The following TTI1 variants were observed in gnomAD, a reference collection of about 807,000 sequenced individuals.
TTI1 encodes TELO2-interacting protein 1 homolog.
A neutral mutation model predicts 85.4 loss-of-function variants in TTI1; 52 were observed. The ratio of observed to expected loss-of-function variants is 0.61; its 90% CI spans 0.49 to 0.77. The LOEUF is 0.77. Ranked by LOEUF, TTI1 falls within the 30% of genes least tolerant of loss-of-function variation. The pLI is 0.00. For synonymous variants in TTI1, 512 were observed against 503.9 expected, an observed-to-expected ratio of 1.02 and a Z score of -0.22; for missense variants, 1,173 against 1,296.0, an observed-to-expected ratio of 0.91 and a Z score of 1.46.
intron 1 of TTI1, among the ~76,000 whole-genome samples, chr20:38,018,039 C>A (rs1403066022): frequency 6.6e-6 from 1 of 152,142 alleles, no homozygotes. Flanking sequence ...ATATATGCAT[C>A]CACTATGATT....
chr20:38,032,543 A>T (rs1051939363), intron 1 of TTI1, among the ~76,000 whole-genome samples: 4 of 152,212 alleles, frequency 2.6e-5, no homozygotes, highest in Non-Finnish European at 5.9e-5. Context: ...CTGGGATTTA[A>T]AACTTAAAAA....
At chr20:38,020,335 T>TAA (rs2073752220) in intron 1 of TTI1, among the ~76,000 whole-genome samples, 1 of 110,700 alleles carries the variant, frequency 9.0e-6, no homozygotes, top group Non-Finnish European at 1.9e-5. Flanking sequence ...TATATATATA[T>TAA]ATATATATAT....
At chr20:38,022,654 G>A (rs1213830095) in intron 1 of TTI1, among the ~76,000 whole-genome samples, 1 of 152,060 alleles carries the variant, frequency 6.6e-6, no homozygotes, top group African/African-American at 2.4e-5. Context: ...TACACTGGGA[G>A]GGTCCTGCTA....
chr20:38,014,271 A>C (rs751538416), intron 1 of TTI1, among the ~76,000 whole-genome samples: 26 of 152,338 alleles, frequency 1.7e-4, no homozygotes, highest in Non-Finnish European at 2.4e-4. Flanking sequence ...ATATAGTAAA[A>C]TGCACTATCT....
rs2122592535 is a variant in TTI1, at chr20:38,013,233, T to C, written c.584A>G (p.Asp195Gly). Reference sequence around the variant, plus strand: ...CCCCAGCTGCTTTTGTTCAAGTTCATCCAATGACCTTGGATGGTCCTGACA... The same window carrying C: ...CCCCAGCTGCTTTTGTTCAAGTTCACCCAATGACCTTGGATGGTCCTGACA... The part of the protein sequence containing the change: ...CDCQDHPRSL[D>G]ELEQKQLGDL... Residue 195 changes from aspartate to glycine, a missense_variant, in exon 2 of 8, where the codon GAT (aspartate) becomes GGT (glycine). Coordinates refer to ENST00000373447, the MANE Select transcript of TTI1 (RefSeq NM_001303457.2). 4 of 1,614,032 alleles carry C rather than the reference T, an allele frequency of 2.5e-6. No individual in the cohort carries two copies. The highest frequency in any genetic ancestry group is 3.4e-6 in the Non-Finnish European group (4 of 1,180,014).
intron 1 of TTI1, among the ~76,000 whole-genome samples, chr20:38,017,404 TTG>T (rs66542554): frequency 0.047 from 6,892 of 145,948 alleles, 177 homozygotes; most frequent in Middle Eastern, 0.094. Context: ...AATCAATAGC[TTG>T]TGTGTGTGTG....
chr20:38,020,412 T>TTCCA (rs1320088058), intron 1 of TTI1, among the ~76,000 whole-genome samples: 3 of 145,028 alleles, frequency 2.1e-5, no homozygotes, highest in South Asian at 4.4e-4. Flanking sequence ...CAATAAAGCT[T>TTCCA]TCCAAAGGAA....
chr20:37,996,580 C>G, intron 6 of TTI1, 118 bp from the exon 7 acceptor site: 1 of 1,408,304 alleles, frequency 7.1e-7, no homozygotes, highest in Non-Finnish European at 9.9e-7. Context: ...GCTCTCTACT[C>G]CATCCCGCCA....
At chr20:38,031,587 C>T (rs2073906858) in intron 1 of TTI1, among the ~76,000 whole-genome samples, 1 of 152,202 alleles carries the variant, frequency 6.6e-6, no homozygotes, top group Non-Finnish European at 1.5e-5. Context: ...TTATTCTAAA[C>T]TTGCATGTTT....
intron 2 of TTI1, 148 bp downstream of exon 2, chr20:38,011,367 C>G: frequency 1.2e-6 from 1 of 846,916 alleles, no homozygotes; most frequent in Non-Finnish European, 1.8e-6. Flanking sequence ...AACAGTGAAA[C>G]CCCCCCATAA....
intron 1 of TTI1, among the ~76,000 whole-genome samples, chr20:38,023,804 C>T (rs530478948): frequency 6.6e-6 from 1 of 152,242 alleles, no homozygotes; most frequent in East Asian, 1.9e-4. Flanking sequence ...GAAATGTTTC[C>T]TTAGCATATA....
At chr20:37,984,687 AG>A (rs2073167643) in intron 7 of TTI1, among the ~76,000 whole-genome samples, 1 of 152,194 alleles carries the variant, frequency 6.6e-6, no homozygotes, top group African/African-American at 2.4e-5. Context: ...ACTGTGCCCA[AG>A]TAAGGCTGCC....
At chr20:38,020,323 A>AATATATATATATATATATATATATATAT (rs1159604655) in intron 1 of TTI1, among the ~76,000 whole-genome samples, 3 of 50,380 alleles carry the variant, frequency 6.0e-5, no homozygotes, top group African/African-American at 8.9e-5. Context: ...AAAAAAAAAA[A>AATATATATATATATATATATATATATAT]ATATATATAT....
rs1262673941 is a variant in TTI1 at position 38,012,219 on chromosome 20, G to A, written c.1598C>T (p.Ala533Val). Residue 533 changes from alanine to valine, a missense_variant, in exon 2 of 8, where the codon GCT becomes GTT. Transcript: ENST00000373447. The stretch of plus-strand genomic sequence containing the variant: ...AAGATCCTCAACCTCCAGCCCAGCA[G>A]CCCCTGTAACCAGTTCATTAAGGAT... The part of the protein sequence containing the change: ...AMILNELVTG[A>V]AGLEVEDLHE... 2.5e-6 allele frequency: 4 copies of A among 1,614,172 alleles called. No homozygotes were observed. The East Asian group carries it at 8.9e-5, about 36-fold the overall frequency.
At chr20:38,030,561 A>C (rs1041288718) in intron 1 of TTI1, among the ~76,000 whole-genome samples, 1 of 151,438 alleles carries the variant, frequency 6.6e-6, no homozygotes, top group Admixed American at 6.6e-5. Flanking sequence ...ACACACACAC[A>C]CCATGATAAA....
At chr20:38,019,758 T>C (rs916650895) in intron 1 of TTI1, among the ~76,000 whole-genome samples, 2 of 152,234 alleles carry the variant, frequency 1.3e-5, no homozygotes, top group African/African-American at 4.8e-5. Flanking sequence ...TATTGACATT[T>C]TGGGTGGGAT....
intron 3 of TTI1, among the ~76,000 whole-genome samples, 194 bp from the exon 4 acceptor site, chr20:38,002,970 C>T (rs1188606320): frequency 6.6e-6 from 1 of 152,126 alleles, no homozygotes; most frequent in Admixed American, 6.6e-5. Flanking sequence ...TATGAGGTCC[C>T]TATTTTTTTT....
Position 38,013,852 on chromosome 20 carries a change from T to C in TTI1, c.-36A>G. The C allele has an allele frequency of 6.3e-7, 1 of 1,579,990 alleles. No individual in the cohort carries two copies. Among genetic ancestry groups the C allele is most frequent in the South Asian group, 1.1e-5 (1 of 86,964 alleles). ...CCTTCCCCTCATTGAGGAAACATCCTGCAGGCTGGAGGAAGGAAACTGTTC... is the reference window on the plus strand; with the variant it reads ...CCTTCCCCTCATTGAGGAAACATCCCGCAGGCTGGAGGAAGGAAACTGTTC... On this transcript the variant is annotated 5_prime_UTR_variant, in exon 2 of 8. Transcript: ENST00000373447.
chr20:38,017,798 A>T (rs1206703509), intron 1 of TTI1, among the ~76,000 whole-genome samples: 1 of 152,324 alleles, frequency 6.6e-6, no homozygotes, highest in East Asian at 1.9e-4. Flanking sequence ...TGAAAACCTT[A>T]GGGGCAGAAG....
Sources: gnomAD v4.1 joint callset for allele counts (sites outside exome capture counted in the v4.1 genomes callset) on GRCh38, gnomAD v4.1.1 for gene constraint, MANE v1.5 for transcripts, NCBI Gene and HGNC (gene_info 2026-07-23, HGNC 2026-07-21) for gene names.